Variants in PKHD1L1 observed in about 807,000 individuals in gnomAD.
PKHD1L1 encodes the protein PKHD1 like 1.
A neutral mutation model predicts 462.9 loss-of-function variants in PKHD1L1; 434 were observed. The observed-to-expected ratio is 0.94, with a 90% confidence interval of 0.87 to 1.02. The LOEUF (loss-of-function observed/expected upper bound fraction) is 1.02, where lower values mean the gene tolerates loss of function less well. PKHD1L1 is among the 50% of genes least tolerant of loss of function. The pLI is 0.00. For missense variants in PKHD1L1, 5,202 were observed against 5,096.1 expected (o/e 1.02, Z -0.63); for synonymous variants, 1,781 against 1,750.0 (o/e 1.02, Z -0.44).
In PKHD1L1 at chr8:109,439,459, GGA is replaced by G. The variant is rs528823609; in HGVS notation, c.3956+376_3956+377del. On this transcript the variant is annotated intron_variant, in intron 32 of 77. Coordinates refer to ENST00000378402, the MANE Select transcript of PKHD1L1 (RefSeq NM_177531.6). The stretch of plus-strand genomic sequence containing the variant: ...CATTAATGGTGCTCACAATTTTCTT[GGA>G]GAGAGAGATTTCAAACAGAGGATTA... Among the ~76,000 whole-genome samples, 19 of 152,162 alleles carry G rather than the reference GGA, an allele frequency of 1.2e-4. No homozygotes were observed. The East Asian group carries it at 3.5e-3, about 28-fold the overall frequency.
intron 6 of PKHD1L1, among the ~76,000 whole-genome samples, chr8:109,386,845 C>T (rs1313627889): frequency 4.6e-5 from 7 of 151,918 alleles, no homozygotes; most frequent in Admixed American, 1.3e-4. Flanking sequence ...TTTTTTCCCC[C>T]ACTGAAACTG....
At chr8:109,515,517 C>T (rs1045245739) in intron 72 of PKHD1L1, among the ~76,000 whole-genome samples, 1 of 152,112 alleles carries the variant, frequency 6.6e-6, no homozygotes, top group African/African-American at 2.4e-5. Context: ...TATCTGTGCA[C>T]ATGCAGATAT....
chr8:109,500,112 T>C (rs534761436), intron 67 of PKHD1L1, among the ~76,000 whole-genome samples: 1 of 152,286 alleles, frequency 6.6e-6, no homozygotes, highest in South Asian at 2.1e-4. Context: ...TTTAGTCCTC[T>C]CTTGGGACTA....
Position 109,526,973 on chromosome 8 carries a change from T to A in PKHD1L1, c.12674T>A (p.Leu4225His), listed in dbSNP as rs1269418799. ...AGCTGTCTGGTTGGAAGAATGTGGC[T>A]CTTGGAAATATTTATGGCTGCAGTT... Reference protein sequence around the residue: ...VISCLVGRMWLLEIFMAAVST... With the variant: ...VISCLVGRMWHLEIFMAAVST... Residue 4225 changes from leucine (L) to histidine (H), a missense_variant, in exon 77 of 78, where the codon CTC becomes CAC. This residue lies in a region of PKHD1L1 where 698 missense variants were observed against 736.3 expected (regional missense o/e 0.95). Transcript: ENST00000378402. The A allele has an allele frequency of 1.2e-6, 2 of 1,613,634 alleles. No homozygotes were observed. Among genetic ancestry groups the A allele is most frequent in the African/African-American group, 1.3e-5 (1 of 74,926 alleles).
chr8:109,460,946 G>A (rs1378044237), intron 47 of PKHD1L1, among the ~76,000 whole-genome samples: 1 of 152,110 alleles, frequency 6.6e-6, no homozygotes, highest in Non-Finnish European at 1.5e-5. Flanking sequence ...AAAGTGACAG[G>A]TGTCTCTTAT....
chr8:109,420,618 C>T lies in PKHD1L1; in HGVS notation c.2625C>T (p.Asn875=), dbSNP rs1365710825. The T allele has an allele frequency of 6.2e-7, 1 of 1,609,506 alleles. No individual in the cohort carries two copies. The highest frequency in any genetic ancestry group is 8.5e-7 in the Non-Finnish European group (1 of 1,177,808). The change falls in exon 23 of 78, where the codon AAC becomes AAT. Residue 875 remains asparagine (N), a synonymous_variant. Coordinates refer to ENST00000378402, the MANE Select transcript of PKHD1L1 (RefSeq NM_177531.6). ...AAACAAATGGGCCAACTATGACAAA[C>T]CAATATTCTGTTACCATGACTTCAT... is the stretch of plus-strand genomic sequence containing the variant. ...QTKTNGPTMT[N]QYSVTMTSYN... is the part of the protein sequence containing the mutation.
intron 2 of PKHD1L1, among the ~76,000 whole-genome samples, chr8:109,368,982 TA>T (rs1319878084): frequency 2.0e-5 from 3 of 151,758 alleles, no homozygotes; most frequent in Non-Finnish European, 4.4e-5. Context: ...TAGAATTACA[TA>T]TTTTTTTTTT....
At chr8:109,506,497 G>T (rs1230123044) in intron 68 of PKHD1L1, among the ~76,000 whole-genome samples, 2 of 152,110 alleles carry the variant, frequency 1.3e-5, no homozygotes, top group Non-Finnish European at 2.9e-5. Context: ...CTTTTGAGAG[G>T]ATTCTTTTGC....
chr8:109,364,433 C>G, intron 1 of PKHD1L1, 114 bp from the exon 2 acceptor site: 1 of 764,004 alleles, frequency 1.3e-6, no homozygotes, highest in South Asian at 1.7e-5. Flanking sequence ...TACTTTCAAT[C>G]CTGTAAACTT....
chr8:109,395,146 AT>A (rs1165350344), intron 10 of PKHD1L1, among the ~76,000 whole-genome samples: 1 of 152,218 alleles, frequency 6.6e-6, no homozygotes, highest in Non-Finnish European at 1.5e-5. Context: ...CAAATTCATT[AT>A]TTTTAAATCA....
chr8:109,514,037 A>G (rs1220979374), intron 71 of PKHD1L1, among the ~76,000 whole-genome samples: 1 of 152,008 alleles, frequency 6.6e-6, no homozygotes, highest in Non-Finnish European at 1.5e-5. Flanking sequence ...AATCCTCACC[A>G]TGGCCTGTGA....
chr8:109,503,413 G>C (rs556315357), intron 67 of PKHD1L1, among the ~76,000 whole-genome samples: 6 of 152,182 alleles, frequency 3.9e-5, no homozygotes, highest in African/African-American at 1.4e-4. Flanking sequence ...AGGAGATCTG[G>C]GCAGGGCACA....
intron 17 of PKHD1L1, 61 bp from the exon 18 acceptor site, chr8:109,407,987 GT>G: frequency 8.8e-7 from 1 of 1,139,376 alleles, no homozygotes; most frequent in East Asian, 3.1e-5. Flanking sequence ...AAAATATATA[GT>G]TTTATATATA....
chr8:109,424,055 C>G (rs1369392770), intron 23 of PKHD1L1, among the ~76,000 whole-genome samples: 1 of 152,060 alleles, frequency 6.6e-6, no homozygotes, highest in Admixed American at 6.6e-5. Context: ...CTCATGTAAT[C>G]ACACCCAAAT....
intron 27 of PKHD1L1, among the ~76,000 whole-genome samples, chr8:109,430,348 G>C (rs563121520): frequency 3.9e-5 from 6 of 152,132 alleles, no homozygotes; most frequent in Admixed American, 3.3e-4. Flanking sequence ...TGGACACTGA[G>C]GAACTTTTAT....
At position 109,456,347 on chromosome 8, in the gene PKHD1L1, A is replaced by G. The variant is rs1231959746; in HGVS notation, c.6960A>G (p.Thr2320=). The G allele has an allele frequency of 1.9e-6, 3 of 1,610,872 alleles. No homozygotes were observed. Among genetic ancestry groups the G allele is most frequent in the Non-Finnish European group, 1.7e-6 (2 of 1,178,370 alleles). Residue 2320 remains threonine, a synonymous_variant, in exon 46 of 78, where the codon ACA becomes ACG. Transcript: ENST00000378402. ...ERILILQEAV[T]WKPGDNIVIA... ...TTTTAATTTTACAAGAAGCAGTAAC[A>G]TGGAAACCAGGAGATAACATTGTAA... is the stretch of plus-strand genomic sequence containing the variant.
chr8:109,385,767 T>C lies in PKHD1L1; in HGVS notation c.569+137T>C, dbSNP rs527703279. ...AGTGTTTTTTTTTTCAGCCATATTA[T>C]AGAAAGTAAAACAGACTATTGGAAG... On this transcript the variant is annotated intron_variant, in intron 6 of 77. Transcript: ENST00000378402. 10 of 538,862 alleles carry C rather than the reference T, an allele frequency of 1.9e-5. No individual in the cohort carries two copies. The South Asian group carries it at 2.2e-4, about 12-fold the overall frequency. The allele number at this position is 538,862 out of a possible 1,614,324, so 33.4% of individuals were successfully genotyped here. A position where few individuals can be genotyped will look rare whatever the true frequency, so the allele number is the denominator to read the frequency against.
chr8:109,490,303 T>C (rs925013246), intron 60 of PKHD1L1, among the ~76,000 whole-genome samples: 16 of 151,802 alleles, frequency 1.1e-4, no homozygotes, highest in African/African-American at 3.4e-4. Context: ...CAAAGATCTA[T>C]AATAGTGGTT....
chr8:109,394,514 G>C, intron 10 of PKHD1L1, 29 bp downstream of exon 10: 1 of 1,386,134 alleles, frequency 7.2e-7, no homozygotes, highest in South Asian at 1.5e-5. Context: ...ACTCTGTTGC[G>C]GGGGTGGTGG....
Sources: allele counts gnomAD v4.1 joint callset (sites outside exome capture counted in the v4.1 genomes callset), GRCh38; gene constraint gnomAD v4.1.1; regional missense constraint gnomAD v4.1.1; transcripts MANE v1.5; gene names NCBI Gene and HGNC (gene_info 2026-07-23, HGNC 2026-07-21).